Variants in COBL observed in about 807,000 individuals in gnomAD.
The protein encoded by COBL is cordon-bleu WH2 repeat protein.
COBL carries 51 observed loss-of-function variants against 98.8 expected under a neutral mutation model. That is an observed-to-expected ratio of 0.52 (90% CI 0.41 to 0.65). The LOEUF is 0.65. COBL is among the 30% of genes least tolerant of loss of function. The pLI is 0.00. For missense variants in COBL, 1,617 were observed against 1,617.5 expected (o/e 1.00, Z 0.01); for synonymous variants, 634 against 651.7 (o/e 0.97, Z 0.41).
intron 7 of COBL, among the ~76,000 whole-genome samples, chr7:51,081,087 C>CG (rs778702380): frequency 1.3e-4 from 20 of 151,058 alleles, no homozygotes; most frequent in East Asian, 5.8e-4. Context: ...GCCAGGAGCG[C>CG]GGGGCAGGAG....
chr7:51,051,424 G>C (rs1790225213), intron 7 of COBL, among the ~76,000 whole-genome samples: 1 of 152,166 alleles, frequency 6.6e-6, no homozygotes, highest in Admixed American at 6.5e-5. Context: ...GCCTGCTCTT[G>C]TTTTATGTGA....
At chr7:51,262,581 G>A (rs1462399031) in intron 1 of COBL, among the ~76,000 whole-genome samples, 1 of 152,202 alleles carries the variant, frequency 6.6e-6, no homozygotes, top group African/African-American at 2.4e-5. Context: ...ACGACAGGCA[G>A]CGCCAAGTCG....
At chr7:51,038,863 C>T (rs1195683688) in intron 8 of COBL, among the ~76,000 whole-genome samples, 1 of 152,230 alleles carries the variant, frequency 6.6e-6, no homozygotes, top group Non-Finnish European at 1.5e-5. Context: ...AGCCCCAAGG[C>T]CTGTCATTCA....
chr7:51,229,866 G>A (rs1318357156), intron 1 of COBL, among the ~76,000 whole-genome samples: 1 of 152,120 alleles, frequency 6.6e-6, no homozygotes, highest in African/African-American at 2.4e-5. Flanking sequence ...GATACACCGT[G>A]AGCTTGACGG....
intron 1 of COBL, among the ~76,000 whole-genome samples, chr7:51,309,998 T>A (rs1009318520): frequency 2.0e-5 from 3 of 151,918 alleles, no homozygotes; most frequent in Admixed American, 6.6e-5. Context: ...CAGGCCAAGG[T>A]GAGAGAGAAA....
intron 8 of COBL, chr7:51,035,488 C>A (rs1788550073): frequency 6.6e-6 from 1 of 152,132 alleles, no homozygotes; most frequent in South Asian, 2.1e-4. Context: ...AGGCAAGAAG[C>A]CTGGGAAAAT....
chr7:51,311,926 G>GA (rs1451913719), intron 1 of COBL, among the ~76,000 whole-genome samples: 193 of 145,624 alleles, frequency 1.3e-3, no homozygotes, highest in East Asian at 4.6e-3. Flanking sequence ...TAAGGTAACT[G>GA]AAAAAAAAAA....
chr7:51,111,603 G>A (rs758173678), intron 6 of COBL, among the ~76,000 whole-genome samples: 17 of 152,180 alleles, frequency 1.1e-4, no homozygotes, highest in Non-Finnish European at 5.9e-5. Context: ...CTGTCCTCAC[G>A]ACCCATCCAT....
At chr7:51,122,128 T>C (rs894216222) in intron 6 of COBL, among the ~76,000 whole-genome samples, 1 of 152,240 alleles carries the variant, frequency 6.6e-6, no homozygotes, top group Non-Finnish European at 1.5e-5. Context: ...CTAGTGAGTG[T>C]TAAAAATACT....
At chr7:51,042,893 G>C (rs530013492) in intron 8 of COBL, among the ~76,000 whole-genome samples, 2 of 152,136 alleles carry the variant, frequency 1.3e-5, no homozygotes, top group Non-Finnish European at 2.9e-5. Flanking sequence ...GCAGACACTG[G>C]GGGGCCCGCC....
chr7:51,266,125 GAAAC>G (rs1798178806), intron 1 of COBL, among the ~76,000 whole-genome samples: 1 of 152,178 alleles, frequency 6.6e-6, no homozygotes, highest in Non-Finnish European at 1.5e-5. Context: ...AATTTTGTAA[GAAAC>G]AATCACATGT....
rs143066869 is a variant in COBL at position 51,191,060 on chromosome 7, C to G, written c.475G>C (p.Val159Leu). 1 of 1,613,998 alleles carries G rather than the reference C, an allele frequency of 6.2e-7. No individual in the cohort carries two copies. Residue 159 changes from valine to leucine, a missense_variant, in exon 4 of 13, where the codon GTG (valine) becomes CTG (leucine). Transcript: ENST00000265136. ...GCTTTTTGTGTCCGCAGGTAATTCA[C>G]GACCAAACGCACAGATTTCTGGAAG... is the stretch of plus-strand genomic sequence containing the variant. ...KVPEKSVRLV[V>L]NYLRTQKAVV...
intron 1 of COBL, among the ~76,000 whole-genome samples, chr7:51,235,794 C>T (rs139996029): frequency 1.6e-4 from 24 of 152,144 alleles, no homozygotes; most frequent in African/African-American, 5.5e-4. Context: ...GAGCTTGGCC[C>T]AACATGGGAG....
At chr7:51,316,351 C>T (rs945195346) in intron 1 of COBL, 2 of 313,596 alleles carry the variant, frequency 6.4e-6, no homozygotes, top group East Asian at 5.2e-5. Context: ...GCGAAAAGTG[C>T]GCTCCGGCCC....
intron 12 of COBL, among the ~76,000 whole-genome samples, chr7:51,018,880 A>G (rs1786569240): frequency 9.3e-6 from 1 of 107,688 alleles, no homozygotes; most frequent in Non-Finnish European, 1.9e-5. Context: ...AACAAGAGAG[A>G]AACTCCATCT....
intron 5 of COBL, among the ~76,000 whole-genome samples, chr7:51,183,153 T>G (rs1789151642): frequency 6.6e-6 from 1 of 152,188 alleles, no homozygotes; most frequent in Admixed American, 6.5e-5. Context: ...GGAAATCAGG[T>G]GTCCGGCCTT....
intron 5 of COBL, chr7:51,156,149 A>G: frequency 5.1e-6 from 5 of 984,326 alleles, no homozygotes; most frequent in East Asian, 1.1e-4. Context: ...CACTTAGGAT[A>G]TATCACTAAA....
rs369587247 is a variant in COBL at position 51,205,131 on chromosome 7, T to C, written c.246-11542A>G. On this transcript the variant is annotated intron_variant, in intron 2 of 12. Coordinates refer to ENST00000265136, the MANE Select transcript of COBL (RefSeq NM_015198.5). ...CAATGCAATCCCTATCAAAATCCCA[T>C]TGGCATTCTTTACAGAAACAGAGAA... is the stretch of plus-strand genomic sequence containing the variant. Among the ~76,000 whole-genome samples the C allele has an allele frequency of 7.2e-5, 11 of 152,288 alleles. No individual in the cohort carries two copies. In the East Asian group the frequency reaches 1.3e-3, roughly 19 times the overall value.
Position 51,080,197 on chromosome 7 carries a change from A to G in COBL, c.1096+4969T>C, listed in dbSNP as rs191107868. Among the ~76,000 whole-genome samples, 176 of 152,336 alleles carry G rather than the reference A, an allele frequency of 1.2e-3. 1 individual carries two copies. The highest frequency in any genetic ancestry group is 4.0e-3 in the African/African-American group (167 of 41,574). On this transcript the variant is annotated intron_variant, in intron 7 of 12. Transcript: ENST00000265136. Reference sequence around the variant, plus strand: ...TGGCTCAGAGTTGAAGAGATAAAATAAAGGGTGAAGTTGTATAGGACTTAT... The same window carrying G: ...TGGCTCAGAGTTGAAGAGATAAAATGAAGGGTGAAGTTGTATAGGACTTAT...
Sources: allele counts gnomAD v4.1 joint callset (sites outside exome capture counted in the v4.1 genomes callset), GRCh38; gene constraint gnomAD v4.1.1; transcripts MANE v1.5; gene names NCBI Gene and HGNC (gene_info 2026-07-23, HGNC 2026-07-21).